Variants in LRSAM1 observed in about 807,000 individuals in gnomAD.
LRSAM1 encodes leucine rich repeat and sterile alpha motif containing 1, also known as E3 ubiquitin-protein ligase LRSAM1.
Under a neutral mutation model 118.1 loss-of-function variants are expected in LRSAM1, and 96 were observed. That is an observed-to-expected ratio of 0.81 (90% CI 0.69 to 0.96). LRSAM1 has a LOEUF of 0.96. LRSAM1 is among the 40% of genes least tolerant of loss of function. LRSAM1 has a pLI of 0.00. For missense variants in LRSAM1, 804 were observed against 915.5 expected, an observed-to-expected ratio of 0.88 and a Z score of 1.57; for synonymous variants, 322 against 364.2, an observed-to-expected ratio of 0.88 and a Z score of 1.32.
At chr9:127,457,553 C>T in intron 6 of LRSAM1, 160 bp downstream of exon 6, 2 of 730,744 alleles carry the variant, frequency 2.7e-6, no homozygotes, top group Non-Finnish European at 4.7e-6. Flanking sequence ...CTTCTGTGGG[C>T]TGTGTGTGGG....
chr9:127,483,106 A>G (rs1835601957), intron 16 of LRSAM1, 86 bp downstream of exon 16: 3 of 1,275,182 alleles, frequency 2.4e-6, no homozygotes, highest in African/African-American at 2.9e-5. Flanking sequence ...TTGGCCATGC[A>G]TGGAGGGCCC....
chr9:127,473,095 T>C (rs530804896), intron 10 of LRSAM1, among the ~76,000 whole-genome samples: 67 of 152,346 alleles, frequency 4.4e-4, no homozygotes, highest in African/African-American at 1.3e-3. Context: ...CCCATTATTA[T>C]TCTAATGTCA....
intron 20 of LRSAM1, 67 bp from the exon 21 acceptor site, chr9:127,492,735 C>A: frequency 6.9e-7 from 1 of 1,451,424 alleles, no homozygotes; most frequent in Non-Finnish European, 9.5e-7. Context: ...CCTTCTCCAT[C>A]CTGCCACTGC....
Position 127,501,121 on chromosome 9 carries a change from G to A in LRSAM1, c.2024G>A (p.Cys675Tyr). The A allele has an allele frequency of 1.2e-6, 2 of 1,613,598 alleles. No individual in the cohort carries two copies. The highest frequency in any genetic ancestry group is 8.5e-7 in the Non-Finnish European group (1 of 1,180,020). Residue 675 changes from cysteine to tyrosine, a missense_variant, in exon 25 of 26, where the codon TGT becomes TAT. Coordinates refer to ENST00000300417, the MANE Select transcript of LRSAM1 (RefSeq NM_001005373.4). The part of the protein sequence containing the change: ...PAELEVQASE[C>Y]VVCLEREAQM... ...GAGCTGGAGGTGCAGGCCTCAGAGT[G>A]TGTCGTGTGCCTGGAACGGGAGGTA...
chr9:127,464,397 G>A (rs12338153), intron 9 of LRSAM1, among the ~76,000 whole-genome samples: 5 of 109,298 alleles, frequency 4.6e-5, no homozygotes, highest in Admixed American at 1.3e-4. Context: ...CACTGGCCAC[G>A]TGTATCTATT....
rs1834321295 is a variant in LRSAM1 at position 127,451,536 on chromosome 9, G to C, written c.-322G>C. 1.7e-6 allele frequency: 1 copy of C among 598,944 alleles called. No individual in the cohort carries two copies. Among genetic ancestry groups the C allele is most frequent in the South Asian group, 2.0e-5 (1 of 49,864 alleles). The allele number at this position is 598,944 out of a possible 1,614,324, so 37.1% of individuals were successfully genotyped here. On this transcript the variant is annotated 5_prime_UTR_variant, in exon 1 of 26. Coordinates refer to ENST00000300417, the MANE Select transcript of LRSAM1 (RefSeq NM_001005373.4). ...TTGTGGGCAGGCGCCTGAGGCTGAC[G>C]GCTGGCAAGCAGGGCACCGCGGTGC... is the stretch of plus-strand genomic sequence containing the variant.
chr9:127,482,836 T>C (rs1835589150), intron 15 of LRSAM1, 114 bp from the exon 16 acceptor site: 1 of 922,476 alleles, frequency 1.1e-6, no homozygotes, highest in African/African-American at 1.6e-5. Flanking sequence ...AGAGCCCATC[T>C]AGGTGTAGGT....
intron 5 of LRSAM1, 140 bp downstream of exon 5, chr9:127,455,760 G>T: frequency 1.2e-6 from 1 of 813,102 alleles, no homozygotes; most frequent in East Asian, 2.6e-5. Flanking sequence ...TGCAGCAGGT[G>T]TTTTCACAGA....
At chr9:127,485,701 C>T (rs774697286) in intron 16 of LRSAM1, 35 bp from the exon 17 acceptor site, 1 of 1,608,540 alleles carries the variant, frequency 6.2e-7, no homozygotes, top group Non-Finnish European at 8.5e-7. Flanking sequence ...GGAGCAGCCA[C>T]TCCACTCAGC....
chr9:127,496,751 T>A (rs958216826), intron 23 of LRSAM1, among the ~76,000 whole-genome samples: 2 of 152,120 alleles, frequency 1.3e-5, no homozygotes, highest in African/African-American at 2.4e-5. Flanking sequence ...CATGAGACTC[T>A]CCTGCCCCTC....
At chr9:127,461,841 C>A (rs529297543) in intron 8 of LRSAM1, among the ~76,000 whole-genome samples, 1 of 152,354 alleles carries the variant, frequency 6.6e-6, no homozygotes, top group Non-Finnish European at 1.5e-5. Context: ...TTAAGCACTT[C>A]CTGCAGAGTG....
At chr9:127,471,499 A>AT (rs1835166931) in intron 10 of LRSAM1, among the ~76,000 whole-genome samples, 1 of 103,490 alleles carries the variant, frequency 9.7e-6, no homozygotes, top group African/African-American at 3.5e-5. Context: ...AAAAAAAAAG[A>AT]TTTTGGGCTG....
chr9:127,479,243 G>A, intron 12 of LRSAM1, 140 bp from the exon 13 acceptor site: 1 of 1,249,652 alleles, frequency 8.0e-7, no homozygotes, highest in Non-Finnish European at 1.1e-6. Context: ...TTACAGTTGG[G>A]CCCTGGAGGG....
intron 25 of LRSAM1, 37 bp from the exon 26 acceptor site, chr9:127,502,737 G>A (rs1161049085): frequency 2.5e-6 from 4 of 1,605,856 alleles, no homozygotes; most frequent in Non-Finnish European, 3.4e-6. Flanking sequence ...CTGGAACCCG[G>A]TAGGGCCAGC....
intron 16 of LRSAM1, among the ~76,000 whole-genome samples, chr9:127,484,946 T>TACAGGC (rs1449848520): frequency 6.6e-6 from 1 of 151,888 alleles, no homozygotes; most frequent in Non-Finnish European, 1.5e-5. Flanking sequence ...TAGCTGGGAT[T>TACAGGC]ACAGGCACCT....
chr9:127,491,687 G>A (rs1393097741), intron 20 of LRSAM1, among the ~76,000 whole-genome samples: 8 of 152,228 alleles, frequency 5.3e-5, no homozygotes, highest in Non-Finnish European at 8.8e-5. Context: ...TGGGTGTCCC[G>A]GGTTGTCTGG....
At chr9:127,483,396 G>A (rs991935327) in intron 16 of LRSAM1, among the ~76,000 whole-genome samples, 1 of 151,786 alleles carries the variant, frequency 6.6e-6, no homozygotes, top group Non-Finnish European at 1.5e-5. Flanking sequence ...GCAGTGAGCT[G>A]TGATCACACT....
chr9:127,472,512 A>G (rs1835211698), intron 10 of LRSAM1, among the ~76,000 whole-genome samples: 1 of 151,954 alleles, frequency 6.6e-6, no homozygotes, highest in South Asian at 2.1e-4. Context: ...GTAGTGGCGC[A>G]TGCCTATAAT....
intron 9 of LRSAM1, 103 bp from the exon 10 acceptor site, chr9:127,467,637 G>A (rs1835006400): frequency 2.7e-6 from 3 of 1,127,400 alleles, no homozygotes; most frequent in Admixed American, 4.0e-5. Context: ...GGCCATTCCT[G>A]CTGGGTAGAG....
Sources: gnomAD v4.1 joint callset for allele counts (sites outside exome capture counted in the v4.1 genomes callset) on GRCh38, gnomAD v4.1.1 for gene constraint, MANE v1.5 for transcripts, NCBI Gene and HGNC (gene_info 2026-07-23, HGNC 2026-07-21) for gene names.